MS4A12: variants seen among roughly 807,000 people sequenced by gnomAD.
The protein encoded by MS4A12 is membrane spanning 4-domains A12, also known as membrane-spanning 4-domains subfamily A member 12.
MS4A12 carries 28 observed loss-of-function variants against 23.7 expected under a neutral mutation model. The observed-to-expected ratio is 1.18, with a 90% confidence interval of 0.88 to 1.62. The LOEUF (loss-of-function observed/expected upper bound fraction) is 1.62. Ranked by LOEUF, MS4A12 falls within the 40% of genes most tolerant of loss-of-function variation. MS4A12 has a pLI of 0.00. For missense variants in MS4A12, 342 were observed against 327.0 expected, an observed-to-expected ratio of 1.05 and a Z score of -0.35; for synonymous variants, 108 against 110.1, an observed-to-expected ratio of 0.98 and a Z score of 0.12.
intron 1 of MS4A12, among the ~76,000 whole-genome samples, chr11:60,493,376 T>TAAAAAA (rs59628484): frequency 7.4e-6 from 1 of 135,050 alleles, no homozygotes; most frequent in Non-Finnish European, 1.6e-5. Flanking sequence ...AACTCCATCT[T>TAAAAAA]AAAAAAAAAA....
rs780300796 is a variant in MS4A12, at chr11:60,502,006, T to C, written c.438T>C (p.Ser146=). Reference sequence around the variant, plus strand: ...AGTTTATTATCTCTGGCTCTCTCTCTGTGTCAGCATCCAAGGAGCTTTCCC... The same window carrying C: ...AGTTTATTATCTCTGGCTCTCTCTCCGTGTCAGCATCCAAGGAGCTTTCCC... ...GLSFIISGSL[S]VSASKELSRC... The change falls in exon 4 of 7, where the codon TCT becomes TCC. Residue 146 remains serine, a synonymous_variant. Transcript: ENST00000016913. 1 of 1,613,238 alleles carries C rather than the reference T, an allele frequency of 6.2e-7. No homozygotes were observed. Among genetic ancestry groups the C allele is most frequent in the Admixed American group, 1.7e-5 (1 of 60,028 alleles).
At chr11:60,505,810 G>A (rs2086565985) in intron 5 of MS4A12, among the ~76,000 whole-genome samples, 1 of 152,116 alleles carries the variant, frequency 6.6e-6, no homozygotes, top group African/African-American at 2.4e-5. Context: ...ACAGAAGAAA[G>A]GGCAACACCT....
chr11:60,506,070 G>C (rs1352494452), intron 5 of MS4A12, among the ~76,000 whole-genome samples: 1 of 152,152 alleles, frequency 6.6e-6, no homozygotes, highest in East Asian at 1.9e-4. Flanking sequence ...AACCGCTAGG[G>C]CTCAAGTTGT....
At chr11:60,506,863 A>G in intron 6 of MS4A12, 25 bp downstream of exon 6, 1 of 1,592,814 alleles carries the variant, frequency 6.3e-7, no homozygotes, top group South Asian at 1.1e-5. Context: ...TTCTTTGTAA[A>G]ATAATCTGAA....
chr11:60,496,856 G>A (rs2086490825), intron 1 of MS4A12, among the ~76,000 whole-genome samples: 1 of 152,122 alleles, frequency 6.6e-6, no homozygotes, highest in Non-Finnish European at 1.5e-5. Context: ...GTTCATGGAC[G>A]CCTTCCTCCA....
Position 60,506,988 on chromosome 11 carries a change from C to T in MS4A12, c.700-32C>T, listed in dbSNP as rs374525419. On this transcript the variant is annotated intron_variant, in intron 6 of 6. Transcript: ENST00000016913. The stretch of plus-strand genomic sequence containing the variant: ...GGGAAATTGCATAGGATTGTAGTAA[C>T]CATATTGCTTGTTTTTATTCATTCT... 127 of 1,573,604 alleles carry T rather than the reference C, an allele frequency of 8.1e-5. No homozygotes were observed. The African/African-American group carries it at 1.5e-3, about 19-fold the overall frequency.
Position 60,507,149 on chromosome 11 carries a change from A to G in MS4A12, c.*25A>G. ...GTAAAAGAAAAAGGGGTATCAGTCT[A>G]ATCTCATGGAGAAAAACTACTTGCA... On this transcript the variant is annotated 3_prime_UTR_variant, in exon 7 of 7. Transcript: ENST00000016913. 1 of 1,564,732 alleles carries G rather than the reference A, an allele frequency of 6.4e-7. No individual in the cohort carries two copies. The highest frequency in any genetic ancestry group is 8.8e-7 in the Non-Finnish European group (1 of 1,136,586).
intron 1 of MS4A12, among the ~76,000 whole-genome samples, chr11:60,495,499 G>C (rs1337783556): frequency 6.6e-6 from 1 of 151,940 alleles, no homozygotes; most frequent in East Asian, 1.9e-4. Flanking sequence ...TGTATCTCAT[G>C]CACTTAACAT....
intron 4 of MS4A12, among the ~76,000 whole-genome samples, chr11:60,502,665 G>C (rs2086540099): frequency 6.6e-6 from 1 of 152,156 alleles, no homozygotes; most frequent in African/African-American, 2.4e-5. Flanking sequence ...TCAAGAACTA[G>C]AGTCAACTAG....
Position 60,497,366 on chromosome 11 carries a change from A to G in MS4A12, c.48A>G (p.Ile16Met), listed in dbSNP as rs1318571227. The G allele has an allele frequency of 5.6e-6, 9 of 1,614,054 alleles. No individual in the cohort carries two copies. The highest frequency in any genetic ancestry group is 7.6e-6 in the Non-Finnish European group (9 of 1,180,022). ...PTSHAEVNET[I>M]PNPYPPSSFM... is the part of the protein sequence containing the mutation. The stretch of plus-strand genomic sequence containing the variant: ...GCCATGCTGAAGTAAATGAAACCAT[A>G]CCCAACCCTTACCCACCAAGCAGCT... The change falls in exon 2 of 7, where the codon ATA (isoleucine) becomes ATG (methionine). Residue 16 changes from isoleucine (I) to methionine (M), a missense_variant. By Grantham distance (10) the Ile-to-Met change is conservative (BLOSUM62 1). Coordinates refer to ENST00000016913, the MANE Select transcript of MS4A12 (RefSeq NM_017716.3).
intron 1 of MS4A12, 88 bp from the exon 2 acceptor site, chr11:60,497,225 A>T: frequency 7.1e-7 from 1 of 1,399,242 alleles, no homozygotes; most frequent in Non-Finnish European, 9.7e-7. Flanking sequence ...CCATTTGCAT[A>T]GATAATTGAC....
At chr11:60,494,891 A>C (rs1313692947) in intron 1 of MS4A12, among the ~76,000 whole-genome samples, 2 of 152,186 alleles carry the variant, frequency 1.3e-5, no homozygotes, top group African/African-American at 4.8e-5. Context: ...TCACATTCTC[A>C]AATGCTATTG....
At chr11:60,501,540 G>A (rs1409436529) in intron 3 of MS4A12, among the ~76,000 whole-genome samples, 1 of 152,144 alleles carries the variant, frequency 6.6e-6, no homozygotes, top group Non-Finnish European at 1.5e-5. Flanking sequence ...AAAGGTGATT[G>A]GAAACATGAT....
chr11:60,504,422 GT>G lies in MS4A12; in HGVS notation c.588+607del, dbSNP rs549424031. 2.6e-3 allele frequency among the ~76,000 whole-genome samples: 397 copies of G among 152,308 alleles called. 1 individual carries two copies. Among genetic ancestry groups the G allele is most frequent in the Non-Finnish European group, 4.2e-3 (287 of 68,030 alleles). ...ATGGAGCAACATGGTATAAAATGAG[GT>G]TGGGCTGGAAGCTGTCATCCTACCT... On this transcript the variant is annotated intron_variant, in intron 5 of 6. Coordinates refer to ENST00000016913, the MANE Select transcript of MS4A12 (RefSeq NM_017716.3).
chr11:60,501,193 T>G lies in MS4A12; in HGVS notation c.414+11T>G. On this transcript the variant is annotated intron_variant, in intron 3 of 6. Transcript: ENST00000016913. ...TGGGGTGGCCTTTCTGTGAGTAGAT[T>G]GCTAGAACACCAGTCCTTCTTGGTT... 2.5e-6 allele frequency: 4 copies of G among 1,599,168 alleles called. No homozygotes were observed. The highest frequency in any genetic ancestry group is 3.4e-6 in the Non-Finnish European group (4 of 1,175,172).
At position 60,503,787 on chromosome 11, in the gene MS4A12, T is replaced by C; in HGVS notation, c.558T>C (p.Asn186=). 1.9e-6 allele frequency: 3 copies of C among 1,613,980 alleles called. No individual in the cohort carries two copies. Among genetic ancestry groups the C allele is most frequent in the Non-Finnish European group, 2.5e-6 (3 of 1,179,856 alleles). ...TGCTGCTGGTGGATATGTGCATCAA[T>C]GGGGTAGCTGGCCAAGACTACTGGG... ...VILLLVDMCI[N]GVAGQDYWAV... Residue 186 remains asparagine, a synonymous_variant, in exon 5 of 7, where the codon AAT becomes AAC. Coordinates refer to ENST00000016913, the MANE Select transcript of MS4A12 (RefSeq NM_017716.3).
At chr11:60,501,297 A>T in intron 3 of MS4A12, 115 bp downstream of exon 3, 1 of 1,148,632 alleles carries the variant, frequency 8.7e-7, no homozygotes. Context: ...AAAGCCCTAC[A>T]TCTGAGGGCT....
chr11:60,504,246 A>C (rs998048671), intron 5 of MS4A12, among the ~76,000 whole-genome samples: 10 of 152,276 alleles, frequency 6.6e-5, no homozygotes, highest in African/African-American at 2.4e-4. Flanking sequence ...GAGAAACCCA[A>C]GGAATGAAGC....
chr11:60,497,019 G>A (rs1409117457), intron 1 of MS4A12, among the ~76,000 whole-genome samples: 2 of 152,226 alleles, frequency 1.3e-5, no homozygotes, highest in African/African-American at 2.4e-5. Context: ...ATGCTGCTAT[G>A]AGAATCCAAT....
Sources: gnomAD v4.1 joint callset for allele counts (sites outside exome capture counted in the v4.1 genomes callset) on GRCh38, gnomAD v4.1.1 for gene constraint, MANE v1.5 for transcripts, NCBI Gene and HGNC (gene_info 2026-07-23, HGNC 2026-07-21) for gene names.